Variants in CDH4 observed in about 807,000 individuals in gnomAD.
CDH4 encodes cadherin 4.
In CDH4, 33 loss-of-function variants were observed where a neutral mutation model predicts 86.0. That is an observed-to-expected ratio of 0.38 (90% CI 0.29 to 0.51). CDH4 has a LOEUF of 0.51. CDH4 is among the 20% of genes least tolerant of loss of function. The pLI, the probability that CDH4 is intolerant of heterozygous loss-of-function variation, is 0.86. For synonymous variants in CDH4, 555 were observed against 549.4 expected (o/e 1.01, Z -0.14); for missense variants, 1,114 against 1,307.4 (o/e 0.85, Z 2.28).
chr20:61,781,316 G>C (rs568675368), intron 4 of CDH4, among the ~76,000 whole-genome samples: 1 of 152,060 alleles, frequency 6.6e-6, no homozygotes, highest in East Asian at 1.9e-4. Context: ...GGAACCCTGA[G>C]ATCACCCAGA....
chr20:61,575,112 C>CA lies in CDH4; in HGVS notation c.170-168445dup, dbSNP rs541867455. On this transcript the variant is annotated intron_variant, in intron 2 of 15. Coordinates refer to ENST00000614565, the MANE Select transcript of CDH4 (RefSeq NM_001794.5). ...AACACTGAATTCAAAGCGGCCAACACAAAAAAGCTAAGTGCCAGAGAAATC... is the reference window on the plus strand; with the variant it reads ...AACACTGAATTCAAAGCGGCCAACACAAAAAAAGCTAAGTGCCAGAGAAATC... Among the ~76,000 whole-genome samples the CA allele has an allele frequency of 3.3e-5, 5 of 152,252 alleles. No homozygotes were observed. In the South Asian group the frequency reaches 8.3e-4, roughly 25 times the overall value.
intron 2 of CDH4, among the ~76,000 whole-genome samples, chr20:61,649,312 CAG>C (rs2087097311): frequency 6.6e-6 from 1 of 152,362 alleles, no homozygotes; most frequent in East Asian, 1.9e-4. Flanking sequence ...GCACGTCTGG[CAG>C]AGAGTTCAAA....
intron 2 of CDH4, among the ~76,000 whole-genome samples, chr20:61,451,321 G>A (rs570966971): frequency 3.9e-5 from 6 of 152,178 alleles, no homozygotes; most frequent in African/African-American, 7.2e-5. Flanking sequence ...TCTCAGCTGC[G>A]TCAGAGTGGT....
At chr20:61,596,708 CATA>C (rs777448511) in intron 2 of CDH4, among the ~76,000 whole-genome samples, 3 of 152,134 alleles carry the variant, frequency 2.0e-5, no homozygotes, top group Non-Finnish European at 2.9e-5. Context: ...GCTCAGATTT[CATA>C]ATAATAATGA....
intron 2 of CDH4, among the ~76,000 whole-genome samples, chr20:61,551,405 A>T (rs1246735784): frequency 6.6e-6 from 1 of 152,238 alleles, no homozygotes; most frequent in Non-Finnish European, 1.5e-5. Context: ...CTGGATTTTC[A>T]TAAAATGAGT....
Position 61,395,209 on chromosome 20 carries a change from A to C in CDH4, c.169+140272A>C, listed in dbSNP as rs375336432. On this transcript the variant is annotated intron_variant, in intron 2 of 15. Coordinates refer to ENST00000614565, the MANE Select transcript of CDH4 (RefSeq NM_001794.5). Reference sequence around the variant, plus strand: ...AAAAAATGCTGAGGAACTCATCCAGAGAAAAATATTTTAGTCTTGTAACTC... The same window carrying C: ...AAAAAATGCTGAGGAACTCATCCAGCGAAAAATATTTTAGTCTTGTAACTC... Among the ~76,000 whole-genome samples the C allele has an allele frequency of 9.0e-4, 137 of 152,204 alleles. 1 individual carries two copies. The Middle Eastern group carries it at 0.01, about 11-fold the overall frequency.
intron 2 of CDH4, among the ~76,000 whole-genome samples, chr20:61,554,140 T>G (rs899480542): frequency 1.3e-5 from 2 of 152,252 alleles, no homozygotes; most frequent in African/African-American, 4.8e-5. Context: ...GGGTTTCATT[T>G]GAAGACAGAG....
intron 2 of CDH4, among the ~76,000 whole-genome samples, chr20:61,685,661 C>T (rs1448383331): frequency 2.6e-5 from 4 of 152,242 alleles, no homozygotes; most frequent in Admixed American, 6.5e-5. Context: ...CTACGTCACC[C>T]ACACCCCTTT....
intron 2 of CDH4, among the ~76,000 whole-genome samples, chr20:61,721,207 G>T (rs2088037054): frequency 6.6e-6 from 1 of 152,206 alleles, no homozygotes; most frequent in African/African-American, 2.4e-5. Context: ...CAGTCCAGAG[G>T]CTGCCCTTCA....
intron 2 of CDH4, among the ~76,000 whole-genome samples, chr20:61,547,192 A>C (rs2086093458): frequency 5.2e-5 from 7 of 135,560 alleles, no homozygotes; most frequent in South Asian, 2.6e-4. Flanking sequence ...ACTCAGCCCC[A>C]GAGCTCTTTT....
intron 2 of CDH4, among the ~76,000 whole-genome samples, chr20:61,397,242 C>T (rs1291726112): frequency 6.6e-6 from 1 of 152,100 alleles, no homozygotes; most frequent in Non-Finnish European, 1.5e-5. Flanking sequence ...TGAGGAAAAA[C>T]CAGAAAGTCT....
chr20:61,876,956 T>A (rs370891323), intron 7 of CDH4, among the ~76,000 whole-genome samples: 18 of 152,168 alleles, frequency 1.2e-4, no homozygotes, highest in African/African-American at 4.3e-4. Context: ...TAGCTGAAAA[T>A]CTCACAAGGC....
At chr20:61,800,699 G>C (rs6089508) in intron 4 of CDH4, among the ~76,000 whole-genome samples, 54,547 of 152,122 alleles carry the variant, frequency 0.36, 9,871 homozygotes, top group East Asian at 0.43. Flanking sequence ...GGCAGTGCCC[G>C]GCTCAAGGCA....
chr20:61,784,409 G>A (rs111500212), intron 4 of CDH4, among the ~76,000 whole-genome samples: 12 of 4,580 alleles, frequency 2.6e-3, no homozygotes, highest in African/African-American at 8.3e-3. Flanking sequence ...GACAGTTCTC[G>A]AGGCCCTCAG....
intron 2 of CDH4, among the ~76,000 whole-genome samples, chr20:61,541,562 G>A (rs1351492925): frequency 1.3e-5 from 2 of 152,186 alleles, no homozygotes; most frequent in South Asian, 2.1e-4. Flanking sequence ...GTGAGCTGCA[G>A]GTTTGTAAAA....
At chr20:61,665,007 C>A (rs570178648) in intron 2 of CDH4, among the ~76,000 whole-genome samples, 4 of 152,238 alleles carry the variant, frequency 2.6e-5, no homozygotes, top group African/African-American at 9.6e-5. Context: ...CCAACCCATT[C>A]GTCTGAGATT....
chr20:61,519,520 A>C (rs1435204198), intron 2 of CDH4, among the ~76,000 whole-genome samples: 1 of 152,014 alleles, frequency 6.6e-6, no homozygotes, highest in South Asian at 2.1e-4. Flanking sequence ...CTCACGGTAC[A>C]TTTTCTCCAA....
chr20:61,651,005 T>G (rs2087114514), intron 2 of CDH4, among the ~76,000 whole-genome samples: 2 of 152,256 alleles, frequency 1.3e-5, no homozygotes, highest in Admixed American at 1.3e-4. Flanking sequence ...AGGGCACTGG[T>G]GTGCTTGTGT....
chr20:61,537,785 A>G (rs2086008570), intron 2 of CDH4, among the ~76,000 whole-genome samples: 1 of 152,188 alleles, frequency 6.6e-6, no homozygotes, highest in South Asian at 2.1e-4. Context: ...GAAAAGCCTC[A>G]TTGAGTTGGA....
Sources: gnomAD v4.1 joint callset for allele counts (sites outside exome capture counted in the v4.1 genomes callset) on GRCh38, gnomAD v4.1.1 for gene constraint, MANE v1.5 for transcripts, NCBI Gene and HGNC (gene_info 2026-07-23, HGNC 2026-07-21) for gene names.